ZBBX: variants seen among roughly 807,000 people sequenced by gnomAD.
ZBBX encodes the protein zinc finger B-box domain containing.
ZBBX carries 101 observed loss-of-function variants against 108.5 expected under a neutral mutation model. The ratio of observed to expected loss-of-function variants is 0.93; its 90% CI spans 0.79 to 1.10. The LOEUF (loss-of-function observed/expected upper bound fraction) is 1.10. ZBBX is among the 50% of genes least tolerant of loss of function. The pLI is 0.00. For synonymous variants in ZBBX, 356 were observed against 323.4 expected (o/e 1.10, Z -1.08); for missense variants, 1,009 against 941.4 (o/e 1.07, Z -0.94).
intron 17 of ZBBX, among the ~76,000 whole-genome samples, chr3:167,302,750 C>A (rs1442546454): frequency 6.6e-6 from 1 of 152,226 alleles, no homozygotes; most frequent in East Asian, 1.9e-4. Context: ...TAGCAGTTGC[C>A]AGAGTATCAT....
At chr3:167,191,934 T>TATATATAGAGAGAGAGAGAGAG in the ZBBX span, among the ~76,000 whole-genome samples, 4 of 130,220 alleles carry the variant, frequency 3.1e-5, no homozygotes, top group African/African-American at 9.1e-5. Context: ...TATATATATA[T>TATATATAGAGAGAGAGAGAGAG]AGAGCAAGTT....
chr3:167,226,975 C>A, the ZBBX span, among the ~76,000 whole-genome samples: 1 of 151,704 alleles, frequency 6.6e-6, no homozygotes, highest in Admixed American at 6.6e-5. Flanking sequence ...AATCAGGCAA[C>A]AATGGATATA....
chr3:167,278,285 C>G (rs1012166693), intron 20 of ZBBX, among the ~76,000 whole-genome samples: 1 of 149,960 alleles, frequency 6.7e-6, no homozygotes, highest in African/African-American at 2.5e-5. Context: ...CACAAAAAAC[C>G]CTTCAAAAAA....
chr3:167,261,887 C>T (rs10936523), intron 20 of ZBBX, among the ~76,000 whole-genome samples: 121,329 of 151,800 alleles, frequency 0.8, 48,659 homozygotes, highest in East Asian at 0.91. Flanking sequence ...AGAAGGCTTC[C>T]CACCCCAATC....
At chr3:167,405,978 A>G (rs781075436) in intron 1 of ZBBX, among the ~76,000 whole-genome samples, 1 of 151,534 alleles carries the variant, frequency 6.6e-6, no homozygotes, top group Non-Finnish European at 1.5e-5. Flanking sequence ...AGGCAGGAGA[A>G]TCACTTGAAC....
chr3:167,225,373 G>A, the ZBBX span, among the ~76,000 whole-genome samples: 1 of 151,780 alleles, frequency 6.6e-6, no homozygotes, highest in East Asian at 1.9e-4. Context: ...CGAATGGTAG[G>A]AATAACAACT....
intron 10 of ZBBX, among the ~76,000 whole-genome samples, chr3:167,330,937 CTCTT>C (rs1042842887): frequency 9.8e-6 from 1 of 101,866 alleles, no homozygotes; most frequent in African/African-American, 3.5e-5. Context: ...TCTCTCTCCT[CTCTT>C]TCTTTCTCTC....
At chr3:167,311,321 C>T (rs1560106341) in intron 16 of ZBBX, among the ~76,000 whole-genome samples, 1 of 152,006 alleles carries the variant, frequency 6.6e-6, no homozygotes, top group African/African-American at 2.4e-5. Flanking sequence ...AGATTACACA[C>T]CTGAATATAA....
At chr3:167,302,574 T>C (rs375817471) in intron 17 of ZBBX, among the ~76,000 whole-genome samples, 2 of 152,264 alleles carry the variant, frequency 1.3e-5, no homozygotes, top group East Asian at 1.9e-4. Flanking sequence ...TAATTACTTA[T>C]ATGATTGGGT....
At chr3:167,378,544 T>A (rs988394312) in intron 2 of ZBBX, among the ~76,000 whole-genome samples, 2 of 152,086 alleles carry the variant, frequency 1.3e-5, no homozygotes, top group African/African-American at 4.8e-5. Context: ...CCCCCTCTAA[T>A]TTGCAGGATA....
intron 19 of ZBBX, among the ~76,000 whole-genome samples, chr3:167,287,848 C>A (rs572605567): frequency 6.6e-6 from 1 of 152,150 alleles, no homozygotes; most frequent in Non-Finnish European, 1.5e-5. Flanking sequence ...AATTTTATAT[C>A]TGACAGATTC....
At chr3:167,194,630 C>T in the ZBBX span, among the ~76,000 whole-genome samples, 24 of 152,300 alleles carry the variant, frequency 1.6e-4, no homozygotes, top group African/African-American at 5.5e-4. Context: ...GGGGCTAAAG[C>T]AGAAGATAAA....
At chr3:167,244,877 GA>G (rs899200584) in intron 20 of ZBBX, among the ~76,000 whole-genome samples, 29 of 151,368 alleles carry the variant, frequency 1.9e-4, no homozygotes, top group Non-Finnish European at 3.4e-4. Context: ...AGACTAAGGA[GA>G]AAAAAAATAG....
the ZBBX span, among the ~76,000 whole-genome samples, chr3:167,233,829 C>A: frequency 6.6e-6 from 1 of 151,646 alleles, no homozygotes; most frequent in East Asian, 1.9e-4. Context: ...GGATGTATAT[C>A]CAATCACATA....
the ZBBX span, among the ~76,000 whole-genome samples, chr3:167,216,361 G>C: frequency 6.6e-6 from 1 of 151,398 alleles, no homozygotes. Flanking sequence ...AAATTAAATA[G>C]GCAATCCCAT....
chr3:167,400,908 T>G (rs190592836), intron 1 of ZBBX, among the ~76,000 whole-genome samples: 26 of 152,204 alleles, frequency 1.7e-4, no homozygotes, highest in Admixed American at 1.2e-3. Flanking sequence ...ACATATGCAT[T>G]TATAAGTGAG....
At chr3:167,342,605 C>T (rs1740727094) in intron 9 of ZBBX, among the ~76,000 whole-genome samples, 3 of 151,828 alleles carry the variant, frequency 2.0e-5, no homozygotes, top group Non-Finnish European at 4.4e-5. Context: ...ATATTGCTAA[C>T]TTTAACTTTC....
downstream of ZBBX, among the ~76,000 whole-genome samples, chr3:167,235,366 G>C (rs1240714255): frequency 4.6e-5 from 7 of 151,488 alleles, no homozygotes; most frequent in African/African-American, 1.7e-4. Flanking sequence ...GTAAAAAAAT[G>C]TGAAATTATA....
In ZBBX at chr3:167,288,991, T is replaced by C; in HGVS notation, c.1880-8A>G. On this transcript the variant is annotated splice_region_variant and splice_polypyrimidine_tract_variant and intron_variant, in intron 18 of 21. Transcript: ENST00000675490. ...GAATCCATTCTCTGTCTTCTGAAATTGAAAAACAGTAAGATAACATAAAGT... is the reference window on the plus strand; with the variant it reads ...GAATCCATTCTCTGTCTTCTGAAATCGAAAAACAGTAAGATAACATAAAGT... The C allele has an allele frequency of 2.6e-6, 4 of 1,516,726 alleles. No homozygotes were observed. The highest frequency in any genetic ancestry group is 3.6e-6 in the Non-Finnish European group (4 of 1,125,812). The allele number at this position is 1,516,726 out of a possible 1,614,324, so 94.0% of individuals were successfully genotyped here.
Sources: allele counts gnomAD v4.1 joint callset (sites outside exome capture counted in the v4.1 genomes callset), GRCh38; gene constraint gnomAD v4.1.1; transcripts MANE v1.5; gene names NCBI Gene and HGNC (gene_info 2026-07-23, HGNC 2026-07-21).